ABCG1: variants seen among roughly 807,000 people sequenced by gnomAD.
ABCG1 encodes the protein ATP-binding cassette sub-family G member 1.
Under a neutral mutation model 69.2 loss-of-function variants are expected in ABCG1, and 29 were observed. The ratio of observed to expected loss-of-function variants is 0.42; its 90% CI spans 0.31 to 0.57. The LOEUF is 0.57. ABCG1 is among the 20% of genes least tolerant of loss of function. The pLI, the probability that ABCG1 is intolerant of heterozygous loss-of-function variation, is 0.15. For missense variants in ABCG1, 718 were observed against 898.1 expected (o/e 0.80, Z 2.56); for synonymous variants, 370 against 374.8 (o/e 0.99, Z 0.15).
At chr21:42,216,288 C>T (rs1384971739), upstream of ABCG1, 1 of 334,214 alleles carries the variant, frequency 3.0e-6, no homozygotes, top group Admixed American at 3.4e-5. Context: ...AAGTGGCTCC[C>T]CACTGGAAAT....
intron 14 of ABCG1, 177 bp downstream of exon 14, chr21:42,294,837 A>AAC (rs966948903): frequency 9.9e-6 from 6 of 605,106 alleles, no homozygotes; most frequent in African/African-American, 1.8e-5. Context: ...TACCCTCACC[A>AAC]ACACACACAC....
intron 2 of ABCG1, among the ~76,000 whole-genome samples, chr21:42,244,718 C>T (rs1353990167): frequency 1.3e-5 from 2 of 152,332 alleles, no homozygotes; most frequent in Middle Eastern, 3.4e-3. Context: ...AACCTTCTTG[C>T]CACTGACACT....
chr21:42,286,502 G>A (rs1451214194), intron 8 of ABCG1, among the ~76,000 whole-genome samples: 2 of 152,164 alleles, frequency 1.3e-5, no homozygotes, highest in African/African-American at 4.8e-5. Context: ...CATTGTTCAC[G>A]GACGTGCCTC....
At chr21:42,220,111 C>A in intron 1 of ABCG1, 1 of 1,454,386 alleles carries the variant, frequency 6.9e-7, no homozygotes, top group South Asian at 1.2e-5. Flanking sequence ...TAGGAACAAA[C>A]AACAAACCAA....
At chr21:42,283,581 G>A (rs533381318) in intron 6 of ABCG1, among the ~76,000 whole-genome samples, 18 of 152,324 alleles carry the variant, frequency 1.2e-4, no homozygotes, top group African/African-American at 4.1e-4. Flanking sequence ...TGGGAGGTGG[G>A]GAGTGGGGGT....
chr21:42,228,881 CCA>C (rs1259505614), intron 2 of ABCG1, among the ~76,000 whole-genome samples: 4 of 152,202 alleles, frequency 2.6e-5, no homozygotes, highest in Non-Finnish European at 5.9e-5. Flanking sequence ...AACTTGGGTA[CCA>C]TATTTCCCCA....
chr21:42,229,964 A>T (rs1435961969), intron 2 of ABCG1, among the ~76,000 whole-genome samples: 1 of 152,228 alleles, frequency 6.6e-6, no homozygotes, highest in Non-Finnish European at 1.5e-5. Context: ...CTGCGATACA[A>T]ACGCAACATA....
At chr21:42,240,511 C>T (rs988385577) in intron 2 of ABCG1, among the ~76,000 whole-genome samples, 18 of 152,358 alleles carry the variant, frequency 1.2e-4, no homozygotes, top group African/African-American at 1.7e-4. Context: ...AGTGCAGTAG[C>T]GCAATCTCAG....
At chr21:42,279,832 G>A (rs913116017) in intron 5 of ABCG1, among the ~76,000 whole-genome samples, 6 of 152,226 alleles carry the variant, frequency 3.9e-5, no homozygotes, top group African/African-American at 1.4e-4. Flanking sequence ...CATCTTGGTG[G>A]AGAATGGAGG....
Position 42,292,957 on chromosome 21 carries a change from C to T in ABCG1, c.1653+1301C>T, listed in dbSNP as rs555990056. 3.4e-3 allele frequency among the ~76,000 whole-genome samples: 504 copies of T among 148,242 alleles called. 5 individuals are homozygous for T. The highest frequency in any genetic ancestry group is 5.4e-3 in the African/African-American group (218 of 40,176). ...CACACACTAAACACATACGACACTA[C>T]ACACTACACACCACACACTACACAC... On this transcript the variant is annotated intron_variant, in intron 13 of 14. Transcript: ENST00000398449.
chr21:42,249,821 A>C (rs536818656), intron 2 of ABCG1, among the ~76,000 whole-genome samples: 2 of 152,238 alleles, frequency 1.3e-5, no homozygotes, highest in African/African-American at 2.4e-5. Flanking sequence ...CCTGGCCAGC[A>C]TGATGAAATC....
rs768471270 is a variant in ABCG1 at position 42,285,868 on chromosome 21, C to G, written c.859-12C>G. 18 of 1,599,400 alleles carry G rather than the reference C, an allele frequency of 1.1e-5. No homozygotes were observed. The highest frequency in any genetic ancestry group is 1.4e-5 in the Non-Finnish European group (16 of 1,167,072). On this transcript the variant is annotated splice_polypyrimidine_tract_variant and intron_variant, in intron 7 of 14. Transcript: ENST00000398449. ...CAGGGCTTGATCCCTTTTTCTCCTT[C>G]CTTTTTTCCAGCTTTACGTCCTGAG...
Position 42,284,703 on chromosome 21 carries a change from TC to T in ABCG1, c.858+24del. 6.2e-7 allele frequency: 1 copy of T among 1,609,656 alleles called. No individual in the cohort carries two copies. Among genetic ancestry groups the T allele is most frequent in the Non-Finnish European group, 8.5e-7 (1 of 1,179,368 alleles). ...GACCAGGTACGCGGGCCCCGGGCCCTCCCCGCCAGATTACCACTGCACTCAG... is the reference window on the plus strand; with the variant it reads ...GACCAGGTACGCGGGCCCCGGGCCCTCCCGCCAGATTACCACTGCACTCAG... On this transcript the variant is annotated intron_variant, in intron 7 of 14. Transcript: ENST00000398449.
At position 42,291,800 on chromosome 21, in the gene ABCG1, G is replaced by A. The variant is rs895458996; in HGVS notation, c.1653+144G>A. ...GGGGTCGTTCCCACGGGAAGGGCCC[G>A]CATTGTCGAGGGTCAGGATCAGCTG... On this transcript the variant is annotated intron_variant, in intron 13 of 14. Transcript: ENST00000398449. This position sits in a 1 kb window ranked among gnomAD's most constrained non-coding sequence, Gnocchi z 6.4. 9.2e-5 allele frequency: 95 copies of A among 1,029,044 alleles called. No homozygotes were observed. Among genetic ancestry groups the A allele is most frequent in the East Asian group, 3.5e-4 (13 of 37,372 alleles). The allele number at this position is 1,029,044 out of a possible 1,614,324, so 63.7% of individuals were successfully genotyped here. A position where few individuals can be genotyped will look rare whatever the true frequency, so the allele number is the denominator to read the frequency against.
chr21:42,214,749 C>T (rs2123479407), upstream of ABCG1, among the ~76,000 whole-genome samples: 1 of 152,312 alleles, frequency 6.6e-6, no homozygotes, highest in South Asian at 2.1e-4. Context: ...AGTCAGAGAT[C>T]TGGGTTGTGA....
intron 6 of ABCG1, among the ~76,000 whole-genome samples, chr21:42,283,414 G>A (rs1182133007): frequency 6.6e-6 from 1 of 152,188 alleles, no homozygotes; most frequent in East Asian, 1.9e-4. Context: ...AGAGTTGAGG[G>A]GATGAGAGCA....
chr21:42,266,328 T>G lies in ABCG1; in HGVS notation c.287-4742T>G, dbSNP rs146548691. On this transcript the variant is annotated intron_variant, in intron 2 of 14. Coordinates refer to ENST00000398449, the MANE Select transcript of ABCG1 (RefSeq NM_016818.3). Reference sequence around the variant, plus strand: ...AATAAATAAATAAAATAAAATAAAATAAAATAAAAGAATTGCAATATGAAA... The same window carrying G: ...AATAAATAAATAAAATAAAATAAAAGAAAATAAAAGAATTGCAATATGAAA... Among the ~76,000 whole-genome samples, 305 of 151,806 alleles carry G rather than the reference T, an allele frequency of 2.0e-3. 1 individual carries two copies. Among genetic ancestry groups the G allele is most frequent in the African/African-American group, 6.7e-3 (277 of 41,370 alleles).
intron 2 of ABCG1, among the ~76,000 whole-genome samples, chr21:42,209,152 T>A (rs943491152): frequency 3.3e-5 from 5 of 152,126 alleles, no homozygotes; most frequent in Admixed American, 3.3e-4. Context: ...TTTGGAGCCA[T>A]GGAGAGTTGA....
chr21:42,273,468 C>A lies in ABCG1; in HGVS notation c.537+33C>A. On this transcript the variant is annotated intron_variant, in intron 4 of 14. Coordinates refer to ENST00000398449, the MANE Select transcript of ABCG1 (RefSeq NM_016818.3). This position sits in a 1 kb window ranked among gnomAD's most constrained non-coding sequence, Gnocchi z 5.3. ...CCGCCCTGCCCCGCCCCACTCCGCC[C>A]CTGCCGCCTGTCCCCAGCGCCCACA... The A allele has an allele frequency of 6.4e-7, 1 of 1,572,696 alleles. No homozygotes were observed. Among genetic ancestry groups the A allele is most frequent in the Non-Finnish European group, 8.7e-7 (1 of 1,150,800 alleles).
Sources: allele counts gnomAD v4.1 joint callset (sites outside exome capture counted in the v4.1 genomes callset), GRCh38; gene constraint gnomAD v4.1.1; non-coding constraint Gnocchi (gnomAD v3.1); transcripts MANE v1.5; gene names NCBI Gene and HGNC (gene_info 2026-07-23, HGNC 2026-07-21).